Variants in CAPN1 observed in about 807,000 individuals in gnomAD.
CAPN1 encodes calpain-1 catalytic subunit.
In CAPN1, 77 loss-of-function variants were observed where a neutral mutation model predicts 105.2. That is an observed-to-expected ratio of 0.73 (90% CI 0.61 to 0.88). CAPN1 has a LOEUF of 0.88. Among genes scored for constraint, CAPN1 ranks in the 40% least tolerant of loss-of-function variants. The pLI, the probability that CAPN1 is intolerant of heterozygous loss-of-function variation, is 0.00. For synonymous variants in CAPN1, 355 were observed against 388.8 expected, an observed-to-expected ratio of 0.91 and a Z score of 1.02; for missense variants, 833 against 976.6, an observed-to-expected ratio of 0.85 and a Z score of 1.96.
chr11:65,191,441 C>T (rs557900472), intron 10 of CAPN1, among the ~76,000 whole-genome samples: 1 of 152,272 alleles, frequency 6.6e-6, no homozygotes, highest in East Asian at 1.9e-4. Flanking sequence ...TTTTTTGGCA[C>T]GATCTTAGCT....
Position 65,211,438 on chromosome 11 carries a change from A to G in CAPN1, c.*152A>G. 1.4e-6 allele frequency: 1 copy of G among 717,660 alleles called. No individual in the cohort carries two copies. The highest frequency in any genetic ancestry group is 2.4e-6 in the Non-Finnish European group (1 of 410,138). The allele number at this position is 717,660 out of a possible 1,614,324, so 44.5% of individuals were successfully genotyped here. On this transcript the variant is annotated 3_prime_UTR_variant, in exon 22 of 22. Coordinates refer to ENST00000279247, the MANE Select transcript of CAPN1 (RefSeq NM_005186.4). ...CCTCCTGTCCCCTCTCCTCCCAGCCACCATCGTTCATCTGCTCCGGGCAGA... is the reference window on the plus strand; with the variant it reads ...CCTCCTGTCCCCTCTCCTCCCAGCCGCCATCGTTCATCTGCTCCGGGCAGA...
intron 10 of CAPN1, among the ~76,000 whole-genome samples, chr11:65,195,291 T>A (rs1033157171): frequency 2.0e-5 from 3 of 151,912 alleles, no homozygotes; most frequent in Admixed American, 6.6e-5. Context: ...ATTTTTGTAG[T>A]TTTAGTAGAG....
At chr11:65,194,407 A>G (rs1948762979) in intron 10 of CAPN1, among the ~76,000 whole-genome samples, 1 of 152,206 alleles carries the variant, frequency 6.6e-6, no homozygotes, top group East Asian at 1.9e-4. Flanking sequence ...CAATTTTGAT[A>G]CATAGTGTTT....
rs1175034394 is a variant in CAPN1 at position 65,201,091 on chromosome 11, C to G, written c.1166-3592C>G. Among the ~76,000 whole-genome samples the G allele has an allele frequency of 2.5e-4, 38 of 151,482 alleles. 2 individuals are homozygous for G. Among genetic ancestry groups the G allele is most frequent in the Admixed American group, 2.5e-3 (38 of 15,162 alleles). ...TCCCCAGTAGCTGGGACTACAGGTG[C>G]CCACCACCACGCCCGGGTAATTTTT... On this transcript the variant is annotated intron_variant, in intron 10 of 21. Transcript: ENST00000279247.
chr11:65,198,060 TTCTC>T (rs1948817005), intron 10 of CAPN1, among the ~76,000 whole-genome samples: 1 of 152,150 alleles, frequency 6.6e-6, no homozygotes, highest in Non-Finnish European at 1.5e-5. Context: ...GTTCCTGCTT[TTCTC>T]TCTACTAATT....
In CAPN1 at chr11:65,188,528, T is replaced by A. The variant is rs1461878827; in HGVS notation, c.1004+40T>A. ...CCCTTCTACCCCACCTCTCCACCCCTACACATCAGCTCTGTGCCCTGACGG... is the reference window on the plus strand; with the variant it reads ...CCCTTCTACCCCACCTCTCCACCCCAACACATCAGCTCTGTGCCCTGACGG... On this transcript the variant is annotated intron_variant, in intron 9 of 21. Transcript: ENST00000279247. The surrounding 1 kb of genome is among the most constrained non-coding windows in gnomAD (Gnocchi z 5.5). The A allele has an allele frequency of 1.2e-5, 20 of 1,609,964 alleles. No individual in the cohort carries two copies. The highest frequency in any genetic ancestry group is 1.7e-5 in the Non-Finnish European group (20 of 1,176,438).
At chr11:65,204,172 C>T (rs1391224026) in intron 10 of CAPN1, among the ~76,000 whole-genome samples, 1 of 152,188 alleles carries the variant, frequency 6.6e-6, no homozygotes, top group Non-Finnish European at 1.5e-5. Flanking sequence ...CTCCTCGCTG[C>T]AAGCTGTGGG....
At chr11:65,206,200 A>G in intron 12 of CAPN1, 1 of 577,066 alleles carries the variant, frequency 1.7e-6, no homozygotes. Context: ...GATAATAATG[A>G]CAGTGTTATT....
chr11:65,193,644 CAAA>C (rs34729975), intron 10 of CAPN1, among the ~76,000 whole-genome samples: 2 of 58,774 alleles, frequency 3.4e-5, no homozygotes, highest in Non-Finnish European at 6.1e-5. Flanking sequence ...GACTCTGTCT[CAAA>C]AAAAAAAAAA....
chr11:65,192,184 A>G (rs777025396), intron 10 of CAPN1, among the ~76,000 whole-genome samples: 1 of 152,164 alleles, frequency 6.6e-6, no homozygotes, highest in Non-Finnish European at 1.5e-5. Flanking sequence ...ACAGTGAGCC[A>G]TGTTTGCGCC....
chr11:65,182,670 TG>T (rs1343112047), intron 1 of CAPN1, 30 bp from the exon 2 acceptor site: 1 of 1,490,276 alleles, frequency 6.7e-7, no homozygotes, highest in Non-Finnish European at 8.9e-7. Context: ...TGGGAAGGCC[TG>T]GGTTCTGAGC....
At chr11:65,197,339 A>C (rs1296336861) in intron 10 of CAPN1, among the ~76,000 whole-genome samples, 1 of 152,216 alleles carries the variant, frequency 6.6e-6, no homozygotes, top group Non-Finnish European at 1.5e-5. Flanking sequence ...TATTTGGTAC[A>C]TCACATTTAG....
intron 10 of CAPN1, among the ~76,000 whole-genome samples, chr11:65,190,734 A>G (rs1490138703): frequency 1.4e-5 from 2 of 144,840 alleles, no homozygotes; most frequent in Non-Finnish European, 3.0e-5. Flanking sequence ...GTTTTTTGAG[A>G]CGGAGTCTTG....
At chr11:65,206,132 G>C (rs755021071) in intron 12 of CAPN1, 33 of 525,174 alleles carry the variant, frequency 6.3e-5, no homozygotes, top group Non-Finnish European at 1.0e-4. Context: ...TGTAACAGCA[G>C]AACAGCAAAT....
At chr11:65,181,702 C>G (rs927459675), upstream of CAPN1, 13 of 300,696 alleles carry the variant, frequency 4.3e-5, no homozygotes, top group Middle Eastern at 1.2e-3. This position sits in a 1 kb window ranked among gnomAD's most constrained non-coding sequence, Gnocchi z 4.6. Context: ...GGCCCCTCCC[C>G]GGGGACTGCT....
Position 65,209,353 on chromosome 11 carries a change from T to C in CAPN1, c.1760T>C (p.Leu587Pro). 6.2e-7 allele frequency: 1 copy of C among 1,613,824 alleles called. No homozygotes were observed. Among genetic ancestry groups the C allele is most frequent in the South Asian group, 1.1e-5 (1 of 91,062 alleles). The change falls in exon 17 of 22, where the codon CTA becomes CCA. Residue 587 changes from leucine to proline, a missense_variant. Leu to Pro is a moderately conservative substitution (Grantham distance 98). Coordinates refer to ENST00000279247, the MANE Select transcript of CAPN1 (RefSeq NM_005186.4). This position sits in a 1 kb window ranked among gnomAD's most constrained non-coding sequence, Gnocchi z 4.1. ...HKDLRTKGFS[L>P]ESCRSMVNLM... ...GACCTGCGGACCAAGGGCTTCAGCCTAGAGTCGTGCCGCAGCATGGTGAAC... is the reference window on the plus strand; with the variant it reads ...GACCTGCGGACCAAGGGCTTCAGCCCAGAGTCGTGCCGCAGCATGGTGAAC...
chr11:65,182,620 G>A, intron 1 of CAPN1, 81 bp from the exon 2 acceptor site: 5 of 1,404,518 alleles, frequency 3.6e-6, no homozygotes, highest in Non-Finnish European at 4.7e-6. Context: ...AGCAGGGGCA[G>A]GAGAGCAGAG....
chr11:65,208,594 A>C lies in CAPN1; in HGVS notation c.1729+332A>C. ...GGAGTTCAACACCAGCCTGGACAATATGGAGAGACCCTGTCTCTGCAAAAA... is the reference window on the plus strand; with the variant it reads ...GGAGTTCAACACCAGCCTGGACAATCTGGAGAGACCCTGTCTCTGCAAAAA... On this transcript the variant is annotated intron_variant, in intron 16 of 21. Transcript: ENST00000279247. The surrounding 1 kb of genome is among the most constrained non-coding windows in gnomAD (Gnocchi z 4.1). 1 of 418,386 alleles carries C rather than the reference A, an allele frequency of 2.4e-6. No individual in the cohort carries two copies. The allele number at this position is 418,386 out of a possible 1,614,324, so 25.9% of individuals were successfully genotyped here.
In CAPN1 at chr11:65,188,116, A is replaced by T; in HGVS notation, c.929+76A>T. ...CCCCGACATTTCTGCTCGGGACTCTACCAGGCCAGGCTGGACTCAGGATTG... is the reference window on the plus strand; with the variant it reads ...CCCCGACATTTCTGCTCGGGACTCTTCCAGGCCAGGCTGGACTCAGGATTG... On this transcript the variant is annotated intron_variant, in intron 8 of 21. Coordinates refer to ENST00000279247, the MANE Select transcript of CAPN1 (RefSeq NM_005186.4). This position sits in a 1 kb window ranked among gnomAD's most constrained non-coding sequence, Gnocchi z 5.5. The T allele has an allele frequency of 1.9e-6, 2 of 1,061,884 alleles. No homozygotes were observed. Among genetic ancestry groups the T allele is most frequent in the Non-Finnish European group, 2.7e-6 (2 of 729,348 alleles). 65.8% of individuals were successfully genotyped at this position (1,061,884 alleles called of 1,614,324 possible).
Sources: gnomAD v4.1 joint callset for allele counts (sites outside exome capture counted in the v4.1 genomes callset) on GRCh38, gnomAD v4.1.1 for gene constraint, Gnocchi (gnomAD v3.1) non-coding constraint, MANE v1.5 for transcripts, NCBI Gene and HGNC (gene_info 2026-07-23, HGNC 2026-07-21) for gene names.